Variants in UHRF1 observed in about 807,000 individuals in gnomAD.
The protein encoded by UHRF1 is E3 ubiquitin-protein ligase UHRF1.
A neutral mutation model predicts 96.5 loss-of-function variants in UHRF1; 9 were observed. The observed-to-expected ratio is 0.09, with a 90% confidence interval of 0.06 to 0.16. UHRF1 has a LOEUF of 0.16. UHRF1 is among the 10% of genes least tolerant of loss of function. UHRF1 has a pLI of 1.00. For synonymous variants in UHRF1, 455 were observed against 469.9 expected (o/e 0.97, Z 0.41); for missense variants, 626 against 1,131.1 (o/e 0.55, Z 6.40).
chr19:4,944,317 G>A, intron 8 of UHRF1, 26 bp from the exon 9 acceptor site: 1 of 1,614,022 alleles, frequency 6.2e-7, no homozygotes, highest in Non-Finnish European at 8.5e-7. Context: ...TCACGCTGTT[G>A]TTCTTTGTGT....
At chr19:4,943,125 A>C (rs2033456440) in intron 7 of UHRF1, among the ~76,000 whole-genome samples, 1 of 151,662 alleles carries the variant, frequency 6.6e-6, no homozygotes, top group African/African-American at 2.4e-5. Flanking sequence ...CTGTAATCCC[A>C]GCTACTCGGG....
At chr19:4,947,490 CTTTT>C (rs985069179) in intron 11 of UHRF1, among the ~76,000 whole-genome samples, 18 of 57,888 alleles carry the variant, frequency 3.1e-4, no homozygotes, top group East Asian at 6.4e-4. Context: ...TAATAGATAT[CTTTT>C]TTTTTTTTTT....
At chr19:4,933,957 T>TTGTGTG (rs753933265) in intron 5 of UHRF1, among the ~76,000 whole-genome samples, 6,122 of 97,704 alleles carry the variant, frequency 0.063, 295 homozygotes, top group African/African-American at 0.14. Context: ...CCTTGCCTCT[T>TTGTGTG]TGTGTGTGTG....
chr19:4,947,701 A>T (rs1289553263), intron 11 of UHRF1, among the ~76,000 whole-genome samples: 5 of 151,322 alleles, frequency 3.3e-5, no homozygotes, highest in African/African-American at 1.2e-4. Context: ...GGGTTTTGCC[A>T]TGTTGGCCAG....
At chr19:4,953,088 G>C (rs962293166) in intron 13 of UHRF1, among the ~76,000 whole-genome samples, 2 of 152,096 alleles carry the variant, frequency 1.3e-5, no homozygotes, top group African/African-American at 4.8e-5. Flanking sequence ...ACCCGCGTTC[G>C]CTCACATTAA....
At chr19:4,953,914 CGG>C (rs2033784393) in intron 13 of UHRF1, among the ~76,000 whole-genome samples, 2 of 151,882 alleles carry the variant, frequency 1.3e-5, no homozygotes, top group Admixed American at 1.3e-4. Flanking sequence ...GGTGTGGTGG[CGG>C]GCACCTGTAA....
chr19:4,954,411 G>A lies in UHRF1; in HGVS notation c.1880G>A (p.Arg627Lys). Residue 627 changes from arginine to lysine, a missense_variant, in exon 14 of 17, where the codon AGG becomes AAG. Coordinates refer to ENST00000650932, the MANE Select transcript of UHRF1 (RefSeq NM_001048201.3). This position sits in a 1 kb window ranked among gnomAD's most constrained non-coding sequence, Gnocchi z 5.9. ...GAGCGAGAGAAGGAGAACAGCAAGA[G>A]GGAGGAGGAGGAGCAGCAGGAGGGG... ...NREREKENSK[R>K]EEEEQQEGGF... is the part of the protein sequence containing the mutation. The A allele has an allele frequency of 6.2e-7, 1 of 1,613,572 alleles. No individual in the cohort carries two copies. The highest frequency in any genetic ancestry group is 8.5e-7 in the Non-Finnish European group (1 of 1,179,610).
At chr19:4,909,836 G>T (rs953971300) in intron 1 of UHRF1, 181 bp downstream of exon 1, 10 of 405,550 alleles carry the variant, frequency 2.5e-5, no homozygotes, top group African/African-American at 2.1e-4. Context: ...CATCCGGCTG[G>T]AGCCGGGACC....
intron 2 of UHRF1, among the ~76,000 whole-genome samples, chr19:4,928,689 C>T (rs1381901533): frequency 3.9e-5 from 6 of 152,196 alleles, no homozygotes; most frequent in Non-Finnish European, 1.5e-5. Flanking sequence ...GTCTCTCTGT[C>T]TCGACACTGG....
chr19:4,921,751 C>A (rs1165661643), intron 2 of UHRF1, among the ~76,000 whole-genome samples: 1 of 152,004 alleles, frequency 6.6e-6, no homozygotes, highest in Non-Finnish European at 1.5e-5. Context: ...GGAGGGAGAC[C>A]CTGTTTTAAG....
chr19:4,931,059 C>T (rs943806151), intron 4 of UHRF1, among the ~76,000 whole-genome samples, 183 bp downstream of exon 4: 1 of 152,174 alleles, frequency 6.6e-6, no homozygotes, highest in Non-Finnish European at 1.5e-5. Context: ...GGACCCGAAG[C>T]CGGCTGCCCC....
At chr19:4,932,101 T>C (rs2033071638) in intron 4 of UHRF1, among the ~76,000 whole-genome samples, 1 of 152,090 alleles carries the variant, frequency 6.6e-6, no homozygotes, top group South Asian at 2.1e-4. Flanking sequence ...GCTAATTTTG[T>C]ATTTTTAGTA....
At chr19:4,942,805 C>T (rs1055992640) in intron 7 of UHRF1, among the ~76,000 whole-genome samples, 4 of 152,112 alleles carry the variant, frequency 2.6e-5, no homozygotes, top group African/African-American at 7.2e-5. Context: ...TGGTGGTGCT[C>T]GCCTGTGGTC....
chr19:4,911,496 C>A (rs1191275000), intron 2 of UHRF1, among the ~76,000 whole-genome samples: 1 of 152,060 alleles, frequency 6.6e-6, no homozygotes, highest in Non-Finnish European at 1.5e-5. Flanking sequence ...GTGTTTGTTT[C>A]TAAAAATTTG....
At chr19:4,931,697 G>C (rs574848541) in intron 4 of UHRF1, among the ~76,000 whole-genome samples, 1 of 151,914 alleles carries the variant, frequency 6.6e-6, no homozygotes, top group Non-Finnish European at 1.5e-5. Context: ...TCAAACTTCT[G>C]ACCTCGTGTT....
At chr19:4,919,024 ATTTT>A (rs144245403) in intron 2 of UHRF1, among the ~76,000 whole-genome samples, 9 of 119,374 alleles carry the variant, frequency 7.5e-5, no homozygotes, top group Non-Finnish European at 6.9e-5. Flanking sequence ...TCCTGACCTC[ATTTT>A]TTTTTTTTTT....
At chr19:4,947,323 C>T (rs1468727581) in intron 11 of UHRF1, 112 bp downstream of exon 11, 20 of 972,422 alleles carry the variant, frequency 2.1e-5, no homozygotes, top group Middle Eastern at 2.1e-4. Context: ...CGTGGTAGAA[C>T]ATAGCGAAGC....
intron 5 of UHRF1, among the ~76,000 whole-genome samples, chr19:4,935,979 A>G (rs2033203634): frequency 1.3e-5 from 2 of 152,202 alleles, no homozygotes; most frequent in Admixed American, 6.5e-5. Flanking sequence ...GCATTTCTGC[A>G]CATTGACTGT....
intron 2 of UHRF1, among the ~76,000 whole-genome samples, chr19:4,924,614 T>G (rs1268650903): frequency 2.0e-5 from 3 of 151,982 alleles, no homozygotes; most frequent in Admixed American, 1.3e-4. Flanking sequence ...AAACTTTATT[T>G]TCTAGAGCAG....
Sources: allele counts gnomAD v4.1 joint callset (sites outside exome capture counted in the v4.1 genomes callset), GRCh38; gene constraint gnomAD v4.1.1; non-coding constraint Gnocchi (gnomAD v3.1); transcripts MANE v1.5; gene names NCBI Gene and HGNC (gene_info 2026-07-23, HGNC 2026-07-21).